FRMD3: variants seen among roughly 807,000 people sequenced by gnomAD.
FRMD3 encodes FERM domain-containing protein 3.
FRMD3 carries 33 observed loss-of-function variants against 70.2 expected under a neutral mutation model. That is an observed-to-expected ratio of 0.47 (90% CI 0.36 to 0.63). The LOEUF is 0.63. FRMD3 is among the 20% of genes least tolerant of loss of function. The pLI, the probability that FRMD3 is intolerant of heterozygous loss-of-function variation, is 0.00. For missense variants in FRMD3, 632 were observed against 711.4 expected, an observed-to-expected ratio of 0.89 and a Z score of 1.27; for synonymous variants, 279 against 255.9, an observed-to-expected ratio of 1.09 and a Z score of -0.86.
intron 1 of FRMD3, among the ~76,000 whole-genome samples, chr9:83,425,350 G>C (rs1173119031): frequency 6.6e-6 from 1 of 152,194 alleles, no homozygotes; most frequent in Non-Finnish European, 1.5e-5. Flanking sequence ...GTATGAGCAT[G>C]TTCTCACAAC....
chr9:83,267,564 C>T (rs1245581944), intron 13 of FRMD3, among the ~76,000 whole-genome samples: 1 of 152,024 alleles, frequency 6.6e-6, no homozygotes. Context: ...TATTCTACAG[C>T]AGTACTGTCC....
At chr9:83,289,727 G>A (rs1049944827) in intron 13 of FRMD3, among the ~76,000 whole-genome samples, 2 of 152,256 alleles carry the variant, frequency 1.3e-5, no homozygotes, top group African/African-American at 4.8e-5. Flanking sequence ...ACAAAGTTAA[G>A]AAAAAGCATG....
intron 1 of FRMD3, among the ~76,000 whole-genome samples, chr9:83,448,824 T>C (rs1827556463): frequency 6.6e-6 from 1 of 152,230 alleles, no homozygotes; most frequent in African/African-American, 2.4e-5. Flanking sequence ...TGACCAACAG[T>C]TACCTCTTCG....
intron 1 of FRMD3, among the ~76,000 whole-genome samples, chr9:83,391,390 T>C (rs1208033636): frequency 6.6e-6 from 1 of 152,218 alleles, no homozygotes; most frequent in Non-Finnish European, 1.5e-5. Flanking sequence ...TTTAAAAGGT[T>C]GCAGCATTAT....
At chr9:83,401,896 C>T (rs1825960645) in intron 1 of FRMD3, among the ~76,000 whole-genome samples, 1 of 152,142 alleles carries the variant, frequency 6.6e-6, no homozygotes, top group Admixed American at 6.5e-5. Flanking sequence ...ATAGCGATCA[C>T]ACTAGGGCTC....
Position 83,247,533 on chromosome 9 carries a change from T to C in FRMD3, c.*385A>G. 3.0e-6 allele frequency: 3 copies of C among 990,504 alleles called. No homozygotes were observed. Among genetic ancestry groups the C allele is most frequent in the Non-Finnish European group, 3.6e-6 (3 of 831,204 alleles). The allele number at this position is 990,504 out of a possible 1,614,324, so 61.4% of individuals were successfully genotyped here. A position where few individuals can be genotyped will look rare whatever the true frequency, so the allele number is the denominator to read the frequency against. ...CACTAAGGATTATATTCAACAACTT[T>C]CTCTTGAGTTGTTACTAAAATTCTG... On this transcript the variant is annotated 3_prime_UTR_variant, in exon 14 of 14. Transcript: ENST00000304195.
In FRMD3 at chr9:83,299,101, T is replaced by C; in HGVS notation, c.1001+11A>G. The C allele has an allele frequency of 6.3e-7, 1 of 1,576,090 alleles. No homozygotes were observed. Among genetic ancestry groups the C allele is most frequent in the Admixed American group, 1.7e-5 (1 of 59,832 alleles). On this transcript the variant is annotated intron_variant, in intron 11 of 13. Transcript: ENST00000304195. ...CCACCCCCTCACTGAAATGGAACCA[T>C]TGGTACCCACCTATATCGAAATCTA... is the stretch of plus-strand genomic sequence containing the variant.
intron 1 of FRMD3, among the ~76,000 whole-genome samples, chr9:83,419,542 G>A (rs1406439208): frequency 6.6e-6 from 1 of 151,068 alleles, no homozygotes; most frequent in Non-Finnish European, 1.5e-5. Context: ...TGTGCTGAGT[G>A]TGTGATATGT....
intron 2 of FRMD3, among the ~76,000 whole-genome samples, chr9:83,379,620 A>G (rs1295772505): frequency 6.6e-6 from 1 of 152,192 alleles, no homozygotes; most frequent in Non-Finnish European, 1.5e-5. Context: ...TTCACCCCTT[A>G]GTATGATTTG....
At chr9:83,421,747 G>A (rs977989283) in intron 1 of FRMD3, among the ~76,000 whole-genome samples, 1 of 152,214 alleles carries the variant, frequency 6.6e-6, no homozygotes, top group Admixed American at 6.5e-5. Context: ...TATTTCCCAG[G>A]AAATCTAACT....
chr9:83,274,121 C>T (rs1833713667), intron 13 of FRMD3, among the ~76,000 whole-genome samples: 1 of 152,130 alleles, frequency 6.6e-6, no homozygotes, highest in Non-Finnish European at 1.5e-5. Flanking sequence ...ATGCCTGGCC[C>T]ATTTGTTCTT....
the FRMD3 span, among the ~76,000 whole-genome samples, chr9:83,548,832 T>C: frequency 2.0e-5 from 3 of 152,108 alleles, no homozygotes; most frequent in African/African-American, 4.8e-5. Flanking sequence ...GGGTAGGCTA[T>C]CTGGAAACTC....
chr9:83,479,655 G>A (rs1408851872), intron 1 of FRMD3, among the ~76,000 whole-genome samples: 4 of 47,272 alleles, frequency 8.5e-5, no homozygotes, highest in African/African-American at 1.2e-4. Flanking sequence ...AAGGAAGGAA[G>A]GAAGGAAGGA....
At chr9:83,396,059 C>T (rs1215935909) in intron 1 of FRMD3, among the ~76,000 whole-genome samples, 1 of 152,192 alleles carries the variant, frequency 6.6e-6, no homozygotes, top group Non-Finnish European at 1.5e-5. Flanking sequence ...ATATTCTCCT[C>T]ATGTTACAGA....
intron 5 of FRMD3, among the ~76,000 whole-genome samples, chr9:83,342,602 G>A (rs1408924757): frequency 6.6e-6 from 1 of 152,124 alleles, no homozygotes; most frequent in Non-Finnish European, 1.5e-5. Context: ...ACAGCTAGAA[G>A]AGCTGAGGAA....
the FRMD3 span, among the ~76,000 whole-genome samples, chr9:83,548,542 G>A: frequency 3.9e-5 from 6 of 152,254 alleles, no homozygotes; most frequent in South Asian, 1.2e-3. Flanking sequence ...GCAAACAGCA[G>A]TAAAAAGATT....
At chr9:83,362,110 A>C (rs776986896) in intron 3 of FRMD3, among the ~76,000 whole-genome samples, 1 of 152,122 alleles carries the variant, frequency 6.6e-6, no homozygotes, top group Non-Finnish European at 1.5e-5. Flanking sequence ...AGAGTCAATC[A>C]TCCAAGCTGG....
At chr9:83,256,099 C>T (rs1342221686) in intron 13 of FRMD3, among the ~76,000 whole-genome samples, 2 of 152,170 alleles carry the variant, frequency 1.3e-5, no homozygotes, top group Non-Finnish European at 2.9e-5. Context: ...CTGGAGGCAT[C>T]ATGCTACCTG....
chr9:83,448,955 T>C (rs1827560605), intron 1 of FRMD3, among the ~76,000 whole-genome samples: 1 of 152,180 alleles, frequency 6.6e-6, no homozygotes, highest in African/African-American at 2.4e-5. Context: ...CTCTCTGTGA[T>C]GTAGCAAAAT....
Sources: allele counts gnomAD v4.1 joint callset (sites outside exome capture counted in the v4.1 genomes callset), GRCh38; gene constraint gnomAD v4.1.1; transcripts MANE v1.5; gene names NCBI Gene and HGNC (gene_info 2026-07-23, HGNC 2026-07-21).